The following OLFM1 variants were observed in gnomAD, a reference collection of about 807,000 sequenced individuals.
OLFM1 encodes noelin.
In OLFM1, 9 loss-of-function variants were observed where a neutral mutation model predicts 49.7. The observed-to-expected ratio is 0.18, with a 90% CI of 0.11 to 0.32. The LOEUF (loss-of-function observed/expected upper bound fraction) is 0.32, where lower values mean the gene tolerates loss of function less well. OLFM1 is among the 10% of genes least tolerant of loss of function. OLFM1 has a pLI of 1.00. For synonymous variants in OLFM1, 240 were observed against 271.8 expected, an observed-to-expected ratio of 0.88 and a Z score of 1.15; for missense variants, 369 against 661.8, an observed-to-expected ratio of 0.56 and a Z score of 4.85.
upstream of OLFM1, chr9:135,087,359 T>A: frequency 6.5e-7 from 1 of 1,545,318 alleles, no homozygotes; most frequent in Non-Finnish European, 8.7e-7. Context: ...CGGAGAGGGA[T>A]GCCCCGGCGT....
intron 4 of OLFM1, chr9:135,105,526 G>A (rs545566155): frequency 3.3e-5 from 5 of 152,394 alleles, no homozygotes; most frequent in East Asian, 3.9e-4. Context: ...CCTGAGACCC[G>A]CGCTGAGCAT....
chr9:135,087,399 G>A, upstream of OLFM1: 2 of 1,546,360 alleles, frequency 1.3e-6, no homozygotes, highest in Non-Finnish European at 1.7e-6. Context: ...GGACGGGAGG[G>A]CCGCGGGCCG....
At chr9:135,091,505 A>G (rs1830686697) in intron 2 of OLFM1, among the ~76,000 whole-genome samples, 1 of 142,224 alleles carries the variant, frequency 7.0e-6, no homozygotes, top group Non-Finnish European at 1.5e-5. Context: ...ACACATTCAC[A>G]CAGTCTCACA....
upstream of OLFM1, among the ~76,000 whole-genome samples, chr9:135,084,463 TTCTC>T (rs371749001): frequency 4.1e-5 from 6 of 146,856 alleles, no homozygotes; most frequent in East Asian, 2.0e-4. The surrounding 1 kb of genome is among the most constrained non-coding windows in gnomAD (Gnocchi z 4.6). Flanking sequence ...TCTGTCTCTC[TTCTC>T]TCTGTCTCTC....
At chr9:135,075,843 C>G (rs761281392) in intron 1 of OLFM1, 3 of 1,551,640 alleles carry the variant, frequency 1.9e-6, no homozygotes, top group Non-Finnish European at 2.6e-6. Flanking sequence ...GCCAGGCGCC[C>G]GGCCCGGCCC....
Position 135,088,428 on chromosome 9 carries a change from C to G in OLFM1, c.150+289C>G, listed in dbSNP as rs989184233. On this transcript the variant is annotated intron_variant, in intron 1 of 5. Transcript: ENST00000371793. The surrounding 1 kb of genome is among the most constrained non-coding windows in gnomAD (Gnocchi z 4.8). ...GGGCCGGGGGAGCTTGGTGGGTTCTCGGAGGCTTGGAGTCCTGGGTCAGTA... is the reference window on the plus strand; with the variant it reads ...GGGCCGGGGGAGCTTGGTGGGTTCTGGGAGGCTTGGAGTCCTGGGTCAGTA... Among the ~76,000 whole-genome samples, 1 of 151,940 alleles carries G rather than the reference C, an allele frequency of 6.6e-6. No individual in the cohort carries two copies. The highest frequency in any genetic ancestry group is 1.5e-5 in the Non-Finnish European group (1 of 67,962).
intron 5 of OLFM1, among the ~76,000 whole-genome samples, chr9:135,109,929 A>G (rs1350909786): frequency 6.6e-6 from 1 of 152,128 alleles, no homozygotes; most frequent in Non-Finnish European, 1.5e-5. Flanking sequence ...AGCTGTCAGA[A>G]CAAGGTTAGC....
intron 5 of OLFM1, among the ~76,000 whole-genome samples, chr9:135,119,283 C>T (rs908363976): frequency 1.5e-5 from 2 of 132,978 alleles, no homozygotes; most frequent in Admixed American, 7.3e-5. Flanking sequence ...CTCACTTGGT[C>T]TTTGGAGTAC....
chr9:135,107,010 G>A (rs11103673), intron 5 of OLFM1, among the ~76,000 whole-genome samples, 155 bp downstream of exon 5: 1 of 152,130 alleles, frequency 6.6e-6, no homozygotes, highest in Admixed American at 6.5e-5. Context: ...GAAGACTTTC[G>A]GGAGGGACCC....
At chr9:135,100,594 C>CAGATT (rs1830857624) in intron 4 of OLFM1, among the ~76,000 whole-genome samples, 3 of 152,192 alleles carry the variant, frequency 2.0e-5, no homozygotes, top group African/African-American at 7.2e-5. Flanking sequence ...TGCCCGTAGC[C>CAGATT]AGCACCCAGC....
intron 1 of OLFM1, chr9:135,076,551 G>C: frequency 8.7e-7 from 1 of 1,150,468 alleles, no homozygotes. Flanking sequence ...GGGAGGAGAA[G>C]GGCTGTCTGT....
At chr9:135,103,718 C>T (rs80262800) in intron 4 of OLFM1, among the ~76,000 whole-genome samples, 5,184 of 152,218 alleles carry the variant, frequency 0.034, 208 homozygotes, top group East Asian at 0.15. Context: ...CACTTGGGCT[C>T]GCCTTTTCTG....
Position 135,117,787 on chromosome 9 carries a change from C to T in OLFM1, c.784-1717C>T, listed in dbSNP as rs11103682. Among the ~76,000 whole-genome samples the T allele has an allele frequency of 0.095, 14,449 of 152,238 alleles. 743 individuals are homozygous for T. Among genetic ancestry groups the T allele is most frequent in the Middle Eastern group, 0.14 (40 of 294 alleles). ...TTAGGGGCGAATGGCTGCACGTATACGCCTGTGTGCTCCCATCCCACCTTC... is the reference window on the plus strand; with the variant it reads ...TTAGGGGCGAATGGCTGCACGTATATGCCTGTGTGCTCCCATCCCACCTTC... On this transcript the variant is annotated intron_variant, in intron 5 of 5. Transcript: ENST00000371793. This position sits in a 1 kb window ranked among gnomAD's most constrained non-coding sequence, Gnocchi z 5.5.
rs181607259 is a variant in OLFM1 at position 135,118,870 on chromosome 9, A to G, written c.784-634A>G. 1.7e-3 allele frequency among the ~76,000 whole-genome samples: 233 copies of G among 134,890 alleles called. 2 individuals carry two copies. The highest frequency in any genetic ancestry group is 7.1e-3 in the Admixed American group (95 of 13,292). The allele number at this position is 134,890 out of a possible 152,430, so 88.5% of individuals were successfully genotyped here. On this transcript the variant is annotated intron_variant, in intron 5 of 5. Coordinates refer to ENST00000371793, the MANE Select transcript of OLFM1 (RefSeq NM_001282611.2). ...TGCTCACCGGGTCTTTGGAGTGCTC[A>G]CTGTGTCTTTGGAGTGCTTACTGGG... is the stretch of plus-strand genomic sequence containing the variant.
chr9:135,090,305 G>T lies in OLFM1; in HGVS notation c.261G>T (p.Arg87=). 1 of 1,614,112 alleles carries T rather than the reference G, an allele frequency of 6.2e-7. No individual in the cohort carries two copies. Among genetic ancestry groups the T allele is most frequent in the Non-Finnish European group, 8.5e-7 (1 of 1,180,026 alleles). The change falls in exon 2 of 6, where the codon CGG becomes CGT. Residue 87 remains arginine, a synonymous_variant. Transcript: ENST00000371793. ...VVAPQQTMCS[R]DARTKQLRQL... ...CTCCACAGCAGACCATGTGTTCACG[G>T]GATGCCCGCACAAAACAGCTGAGGC...
rs1313486839 is a variant in OLFM1, at chr9:135,119,831, A to G, written c.1111A>G (p.Asn371Asp). The G allele has an allele frequency of 6.2e-7, 1 of 1,613,804 alleles. No individual in the cohort carries two copies. The change falls in exon 6 of 6, where the codon AAC (asparagine) becomes GAC (aspartate). Residue 371 changes from asparagine (N) to aspartate (D), a missense_variant. By Grantham distance (23) the Asn-to-Asp change is conservative (BLOSUM62 1). Transcript: ENST00000371793. ...ESGLWAVYAT[N>D]QNAGNIVVSR... ...CGGGCTGTGGGCCGTGTACGCCACCAACCAGAACGCTGGCAACATCGTGGT... is the reference window on the plus strand; with the variant it reads ...CGGGCTGTGGGCCGTGTACGCCACCGACCAGAACGCTGGCAACATCGTGGT...
intron 4 of OLFM1, among the ~76,000 whole-genome samples, chr9:135,100,917 AATGAT>A (rs1830861834): frequency 8.3e-5 from 10 of 119,982 alleles, no homozygotes; most frequent in African/African-American, 2.2e-4. Context: ...TAGATAGATA[AATGAT>A]TGATTGATTG....
chr9:135,087,384 C>A (rs1163462235), upstream of OLFM1: 2 of 1,546,860 alleles, frequency 1.3e-6, no homozygotes, highest in African/African-American at 1.4e-5. Flanking sequence ...ATGGGAGAAG[C>A]CCCGGGACGG....
At chr9:135,095,530 A>AAAAAGAGAG (rs113214887) in intron 2 of OLFM1, among the ~76,000 whole-genome samples, 1 of 137,280 alleles carries the variant, frequency 7.3e-6, no homozygotes, top group African/African-American at 3.0e-5. Context: ...AAAAAAAAAA[A>AAAAAGAGAG]AGAGAGAGAG....
Sources: allele counts gnomAD v4.1 joint callset (sites outside exome capture counted in the v4.1 genomes callset), GRCh38; gene constraint gnomAD v4.1.1; non-coding constraint Gnocchi (gnomAD v3.1); transcripts MANE v1.5; gene names NCBI Gene and HGNC (gene_info 2026-07-23, HGNC 2026-07-21).